Variants in GPM6B observed in about 807,000 individuals in gnomAD.
GPM6B encodes the protein neuronal membrane glycoprotein M6-b.
Under a neutral mutation model 27.2 loss-of-function variants are expected in GPM6B, and 4 were observed. The observed-to-expected ratio is 0.15, with a 90% CI of 0.07 to 0.34. GPM6B has a LOEUF of 0.34. Among genes scored for constraint, GPM6B ranks in the 10% least tolerant of loss-of-function variants. GPM6B has a pLI of 1.00. For missense variants in GPM6B, 183 were observed against 261.9 expected, an observed-to-expected ratio of 0.70 and a Z score of 2.08; for synonymous variants, 124 against 103.1, an observed-to-expected ratio of 1.20 and a Z score of -1.23.
At chrX:13,866,603 T>C (rs903651091) in intron 1 of GPM6B, among the ~76,000 whole-genome samples, 1 of 111,781 alleles carries the variant, frequency 8.9e-6, no homozygotes, top group Non-Finnish European at 1.9e-5. Flanking sequence ...TATCACATTG[T>C]ACCCCATAAA....
At chrX:13,903,776 G>A (rs1002094324) in intron 1 of GPM6B, among the ~76,000 whole-genome samples, 2 of 112,147 alleles carry the variant, frequency 1.8e-5, no homozygotes, top group African/African-American at 3.2e-5. Flanking sequence ...GAGACGGGCC[G>A]GGGGTGAATG....
intron 1 of GPM6B, among the ~76,000 whole-genome samples, chrX:13,896,159 A>G (rs996101766): frequency 8.1e-5 from 8 of 99,055 alleles, no homozygotes; most frequent in Admixed American, 3.2e-4. Flanking sequence ...ATCATAGCTC[A>G]CTGCAGCCTT....
intron 1 of GPM6B, among the ~76,000 whole-genome samples, chrX:13,826,145 G>T (rs749901091): frequency 2.3e-4 from 25 of 111,088 alleles, no homozygotes; most frequent in Non-Finnish European, 3.8e-4. Flanking sequence ...CTGTTTTATG[G>T]GTGACAAAAC....
At chrX:13,913,346 G>C (rs2050396919) in intron 1 of GPM6B, among the ~76,000 whole-genome samples, 1 of 108,849 alleles carries the variant, frequency 9.2e-6, no homozygotes, top group African/African-American at 3.3e-5. Context: ...GTAGAGGCAG[G>C]ATGTCACCAT....
At chrX:13,836,231 T>C (rs953374658) in intron 1 of GPM6B, among the ~76,000 whole-genome samples, 1 of 111,305 alleles carries the variant, frequency 9.0e-6, no homozygotes, top group African/African-American at 3.3e-5. Flanking sequence ...ACAACTTCAA[T>C]CAGAAAAAAA....
intron 2 of GPM6B, among the ~76,000 whole-genome samples, chrX:13,802,552 T>TTA (rs10645553): frequency 0.26 from 27,557 of 105,887 alleles, 2,919 homozygotes; most frequent in Admixed American, 0.45. Flanking sequence ...ATAAATTATT[T>TTA]TATATATATA....
intron 1 of GPM6B, among the ~76,000 whole-genome samples, chrX:13,857,577 T>C (rs1218046622): frequency 8.9e-6 from 1 of 112,201 alleles, no homozygotes; most frequent in Non-Finnish European, 1.9e-5. Flanking sequence ...GAAACTGAGA[T>C]ATTGGCAGAC....
intron 1 of GPM6B, among the ~76,000 whole-genome samples, chrX:13,930,211 C>G (rs1231676197): frequency 8.9e-6 from 1 of 112,082 alleles, no homozygotes; most frequent in Non-Finnish European, 1.9e-5. Context: ...AAGTGGTCAA[C>G]TTACCTATCA....
intron 1 of GPM6B, among the ~76,000 whole-genome samples, chrX:13,866,144 A>C (rs1341687722): frequency 1.8e-5 from 2 of 111,974 alleles, no homozygotes; most frequent in African/African-American, 3.2e-5. Flanking sequence ...CTGGCGGATC[A>C]CCTGAGGTCG....
At chrX:13,863,585 A>C (rs2049876557) in intron 1 of GPM6B, among the ~76,000 whole-genome samples, 1 of 112,008 alleles carries the variant, frequency 8.9e-6, no homozygotes, top group Admixed American at 9.5e-5. Flanking sequence ...CTGCTTCCCA[A>C]GGCTCATTAT....
intron 1 of GPM6B, among the ~76,000 whole-genome samples, chrX:13,915,409 T>C (rs1165039317): frequency 1.8e-5 from 2 of 110,547 alleles, no homozygotes; most frequent in African/African-American, 3.3e-5. Context: ...CATTCTCCAT[T>C]CTCTCTCTCT....
upstream of GPM6B, among the ~76,000 whole-genome samples, chrX:13,821,157 T>G (rs1212167338): frequency 1.8e-5 from 2 of 111,455 alleles, no homozygotes; most frequent in Non-Finnish European, 3.8e-5. Flanking sequence ...GGAACTTCTG[T>G]GAGAAGGCTG....
intron 1 of GPM6B, among the ~76,000 whole-genome samples, chrX:13,873,892 TC>T (rs1307345884): frequency 2.7e-5 from 3 of 111,973 alleles, no homozygotes; most frequent in African/African-American, 9.7e-5. Context: ...AACAGCAAGT[TC>T]CTGTTTCATT....
At chrX:13,838,010 A>C (rs898200811) in intron 1 of GPM6B, among the ~76,000 whole-genome samples, 3 of 110,773 alleles carry the variant, frequency 2.7e-5, no homozygotes, top group African/African-American at 9.9e-5. Context: ...CTTCCTGGAG[A>C]AACTGACAAA....
chrX:13,833,083 A>C (rs1201480877), intron 1 of GPM6B, among the ~76,000 whole-genome samples: 1 of 109,914 alleles, frequency 9.1e-6, no homozygotes, highest in Non-Finnish European at 1.9e-5. Context: ...GTGAGTTATG[A>C]TCTTTGCTTC....
At chrX:13,895,403 G>A (rs778410203) in intron 1 of GPM6B, among the ~76,000 whole-genome samples, 4 of 109,509 alleles carry the variant, frequency 3.7e-5, no homozygotes, top group East Asian at 2.9e-4. Flanking sequence ...GGTCAAGCCC[G>A]TGTGTATTTT....
intron 2 of GPM6B, among the ~76,000 whole-genome samples, chrX:13,807,343 T>C (rs2049040938): frequency 8.9e-6 from 1 of 111,824 alleles, no homozygotes; most frequent in South Asian, 3.8e-4. Flanking sequence ...ATTGGAAATT[T>C]CATGGTTAAC....
At chrX:13,865,542 CAAAAAAAAA>C (rs1171503867) in intron 1 of GPM6B, among the ~76,000 whole-genome samples, 4 of 14,630 alleles carry the variant, frequency 2.7e-4, no homozygotes, top group African/African-American at 6.9e-4. Flanking sequence ...TCCATCTCTT[CAAAAAAAAA>C]AAAAAAAAAA....
chrX:13,837,766 G>A (rs1488014874), intron 1 of GPM6B, among the ~76,000 whole-genome samples: 2 of 47,740 alleles, frequency 4.2e-5, no homozygotes, highest in African/African-American at 5.2e-5. Context: ...TAGCAACAGT[G>A]TCTGAAAATT....
Sources: gnomAD v4.1 joint callset for allele counts (sites outside exome capture counted in the v4.1 genomes callset) on GRCh38, gnomAD v4.1.1 for gene constraint, MANE v1.5 for transcripts, NCBI Gene and HGNC (gene_info 2026-07-23, HGNC 2026-07-21) for gene names.